Variants in TRDMT1 observed in about 807,000 individuals in gnomAD.
TRDMT1 encodes the protein tRNA (cytosine(38)-C(5))-methyltransferase.
In TRDMT1, 49 loss-of-function variants were observed where a neutral mutation model predicts 51.2. The ratio of observed to expected loss-of-function variants is 0.96; its 90% CI spans 0.76 to 1.21. The LOEUF is 1.21. Among genes scored for constraint, TRDMT1 ranks in the 50% most tolerant of loss-of-function variants. The pLI is 0.00. For synonymous variants in TRDMT1, 187 were observed against 164.6 expected (o/e 1.14, Z -1.04); for missense variants, 534 against 462.3 (o/e 1.16, Z -1.42).
At chr10:17,184,896 C>T (rs932310092) in intron 1 of TRDMT1, among the ~76,000 whole-genome samples, 16 of 152,110 alleles carry the variant, frequency 1.1e-4, no homozygotes, top group African/African-American at 3.9e-4. Context: ...TGTGTTCATA[C>T]GTCCTGATGA....
intron 2 of TRDMT1, chr10:17,171,510 A>C (rs1057270715): frequency 6.6e-6 from 1 of 152,210 alleles, no homozygotes; most frequent in African/African-American, 2.4e-5. Flanking sequence ...ACTGTAAGTG[A>C]GTGAAGGCTT....
chr10:17,186,250 A>G (rs1843904336), intron 1 of TRDMT1, among the ~76,000 whole-genome samples: 1 of 152,152 alleles, frequency 6.6e-6, no homozygotes, highest in South Asian at 2.1e-4. Context: ...AAAGATATCC[A>G]CATCTTAATC....
In TRDMT1 at chr10:17,140,836, A is replaced by G. The variant is rs1315869407; in HGVS notation, c.*8204T>C. The stretch of plus-strand genomic sequence containing the variant: ...TTATTTTATTCCAATCTATTTTTAG[A>G]TGAATAATTTCACAGTTATAATCAT... On this transcript the variant is annotated 3_prime_UTR_variant, in exon 11 of 11. Coordinates refer to ENST00000377799, the MANE Select transcript of TRDMT1 (RefSeq NM_004412.7). Among the ~76,000 whole-genome samples, 2 of 152,234 alleles carry G rather than the reference A, an allele frequency of 1.3e-5. No homozygotes were observed. Among genetic ancestry groups the G allele is most frequent in the Non-Finnish European group, 2.9e-5 (2 of 68,044 alleles).
Position 17,147,398 on chromosome 10 carries a change from TA to T in TRDMT1, c.*1641del. 1 of 924,252 alleles carries T rather than the reference TA, an allele frequency of 1.1e-6. No homozygotes were observed. Among genetic ancestry groups the T allele is most frequent in the Non-Finnish European group, 1.3e-6 (1 of 774,248 alleles). 57.3% of individuals were successfully genotyped at this position (924,252 alleles called of 1,614,324 possible). On this transcript the variant is annotated 3_prime_UTR_variant, in exon 11 of 11. Transcript: ENST00000377799. ...TATGATTTTTTCAATTGCAGTAAAATATACATAATGTAAAATTTATCATTTT... is the reference window on the plus strand; with the variant it reads ...TATGATTTTTTCAATTGCAGTAAAATTACATAATGTAAAATTTATCATTTT...
chr10:17,157,559 G>T lies in TRDMT1; in HGVS notation c.769C>A (p.Leu257Ile). Residue 257 changes from leucine (L) to isoleucine (I), a missense_variant, in exon 8 of 11, where the codon CTT becomes ATT. Physicochemically the swap from Leu to Ile is conservative, Grantham distance 5. Coordinates refer to ENST00000377799, the MANE Select transcript of TRDMT1 (RefSeq NM_004412.7). ...TGGTTCACGTCAGTGTCATCTTCAA[G>T]AAAATCTTTTAGCATTTTCACAGAG... ...DLSVKMLKDF[L>I]EDDTDVNQYL... 2.5e-6 allele frequency: 4 copies of T among 1,614,098 alleles called. No homozygotes were observed. The highest frequency in any genetic ancestry group is 3.4e-6 in the Non-Finnish European group (4 of 1,179,976).
At chr10:17,193,046 T>C (rs1844907579) in intron 1 of TRDMT1, among the ~76,000 whole-genome samples, 1 of 152,102 alleles carries the variant, frequency 6.6e-6, no homozygotes, top group Admixed American at 6.6e-5. Flanking sequence ...TTGGAAGTAC[T>C]AGCCAGAGCA....
rs533383643 is a variant in TRDMT1 at position 17,198,216 on chromosome 10, T to C, written c.64+3355A>G. Reference sequence around the variant, plus strand: ...ACGGAGTGCTCATGCAATGGAAAATTGTGCCGCTGCTGCGGAAAACAGGCT... The same window carrying C: ...ACGGAGTGCTCATGCAATGGAAAATCGTGCCGCTGCTGCGGAAAACAGGCT... On this transcript the variant is annotated intron_variant, in intron 1 of 10. Transcript: ENST00000377799. Among the ~76,000 whole-genome samples the C allele has an allele frequency of 3.3e-5, 5 of 152,246 alleles. No individual in the cohort carries two copies. In the East Asian group the frequency reaches 9.7e-4, roughly 29 times the overall value.
chr10:17,180,674 T>C (rs11254431), intron 1 of TRDMT1, among the ~76,000 whole-genome samples: 63,586 of 152,018 alleles, frequency 0.42, 15,292 homozygotes, highest in South Asian at 0.57. Context: ...GGAGAGAAAC[T>C]AGTATTTCCT....
In TRDMT1 at chr10:17,143,928, C is replaced by T. The variant is rs867061999; in HGVS notation, c.*5112G>A. ...AAGCATGCTAAATTTGATGCAAATC[C>T]GATACAACTTGAATAGCAAGATATC... is the stretch of plus-strand genomic sequence containing the variant. On this transcript the variant is annotated 3_prime_UTR_variant, in exon 11 of 11. Coordinates refer to ENST00000377799, the MANE Select transcript of TRDMT1 (RefSeq NM_004412.7). 4.9e-5 allele frequency: 48 copies of T among 985,170 alleles called. 1 individual carries two copies. Among genetic ancestry groups the T allele is most frequent in the Middle Eastern group, 5.2e-4 (1 of 1,936 alleles). 61.0% of individuals were successfully genotyped at this position (985,170 alleles called of 1,614,324 possible). A position where few individuals can be genotyped will look rare whatever the true frequency, so the allele number is the denominator to read the frequency against.
chr10:17,145,573 A>T lies in TRDMT1; in HGVS notation c.*3467T>A. On this transcript the variant is annotated 3_prime_UTR_variant, in exon 11 of 11. Transcript: ENST00000377799. ...AAGTCAGTGTCATAACTGGTGGCCT[A>T]AAACAGTTAGAATCCCAAGCCGAAG... The T allele has an allele frequency of 1.0e-6, 1 of 985,482 alleles. No individual in the cohort carries two copies. The highest frequency in any genetic ancestry group is 1.2e-6 in the Non-Finnish European group (1 of 829,942). 61.0% of individuals were successfully genotyped at this position (985,482 alleles called of 1,614,324 possible).
intron 3 of TRDMT1, among the ~76,000 whole-genome samples, chr10:17,164,603 T>C (rs1840907451): frequency 6.6e-6 from 1 of 152,210 alleles, no homozygotes; most frequent in Non-Finnish European, 1.5e-5. Flanking sequence ...ATGACATGAT[T>C]GTATATCTAG....
Position 17,147,332 on chromosome 10 carries a change from A to AT in TRDMT1, c.*1707dup. The stretch of plus-strand genomic sequence containing the variant: ...ATGGGCTGGCTTACAGCTTCCCTAC[A>AT]TTCATATTTATCTATGAGTTCTGAA... On this transcript the variant is annotated 3_prime_UTR_variant, in exon 11 of 11. Coordinates refer to ENST00000377799, the MANE Select transcript of TRDMT1 (RefSeq NM_004412.7). The AT allele has an allele frequency of 1.0e-6, 1 of 985,474 alleles. No homozygotes were observed. Among genetic ancestry groups the AT allele is most frequent in the South Asian group, 4.7e-5 (1 of 21,292 alleles). 61.0% of individuals were successfully genotyped at this position (985,474 alleles called of 1,614,324 possible).
chr10:17,144,966 G>A lies in TRDMT1; in HGVS notation c.*4074C>T, dbSNP rs1180195417. 1.0e-6 allele frequency: 1 copy of A among 985,332 alleles called. No homozygotes were observed. Among genetic ancestry groups the A allele is most frequent in the Non-Finnish European group, 1.2e-6 (1 of 829,936 alleles). The allele number at this position is 985,332 out of a possible 1,614,324, so 61.0% of individuals were successfully genotyped here. ...CCTTTTTAAAAAACATGCAAAGGGA[G>A]GCTGGGCGTGGTGGCTCATGCCTGT... On this transcript the variant is annotated 3_prime_UTR_variant, in exon 11 of 11. Coordinates refer to ENST00000377799, the MANE Select transcript of TRDMT1 (RefSeq NM_004412.7).
Position 17,137,768 on chromosome 10 carries a change from A to G in TRDMT1, c.*11272T>C, listed in dbSNP as rs1030408585. On this transcript the variant is annotated 3_prime_UTR_variant, in exon 11 of 11. Coordinates refer to ENST00000377799, the MANE Select transcript of TRDMT1 (RefSeq NM_004412.7). The stretch of plus-strand genomic sequence containing the variant: ...AGAATCGCTTGAACCCAGGAGGTGG[A>G]GGTTGCAGCAAGCCGAGAGCCACTG... Among the ~76,000 whole-genome samples, 2 of 149,832 alleles carry G rather than the reference A, an allele frequency of 1.3e-5. No homozygotes were observed. The highest frequency in any genetic ancestry group is 4.9e-5 in the African/African-American group (2 of 40,584).
intron 3 of TRDMT1, among the ~76,000 whole-genome samples, chr10:17,162,992 G>C (rs1049863721): frequency 6.6e-6 from 1 of 152,092 alleles, no homozygotes; most frequent in Non-Finnish European, 1.5e-5. Context: ...GATGTAACCA[G>C]AGTTCAGAGG....
chr10:17,174,483 T>C (rs1037214242), intron 2 of TRDMT1, 68 bp downstream of exon 2: 1 of 1,079,878 alleles, frequency 9.3e-7, no homozygotes, highest in African/African-American at 1.6e-5. Flanking sequence ...CGGAAACCAG[T>C]ATTAGGCAGT....
At chr10:17,178,286 C>G (rs913287978) in intron 1 of TRDMT1, among the ~76,000 whole-genome samples, 4 of 152,166 alleles carry the variant, frequency 2.6e-5, no homozygotes, top group African/African-American at 9.7e-5. Flanking sequence ...AATAAAAGTA[C>G]TAAAGAACGT....
At chr10:17,196,991 G>A (rs972580179) in intron 1 of TRDMT1, among the ~76,000 whole-genome samples, 4 of 152,120 alleles carry the variant, frequency 2.6e-5, no homozygotes, top group Admixed American at 2.6e-4. Flanking sequence ...AGCACTGTTG[G>A]TGTAAGCTGT....
chr10:17,161,485 T>G lies in TRDMT1; in HGVS notation c.387A>C (p.Thr129=), dbSNP rs1388913165. Residue 129 remains threonine (T), a splice_region_variant and synonymous_variant, in exon 5 of 11, where the codon ACA becomes ACC. Coordinates refer to ENST00000377799, the MANE Select transcript of TRDMT1 (RefSeq NM_004412.7). The part of the protein sequence containing the change: ...ENVKGFEVSS[T]RDLLIQTIEN... ...GCAAGACAAATACATTTTTTTACCT[T>G]GTAGAAGATACTTCAAAACCTTTAA... 1.5e-6 allele frequency: 2 copies of G among 1,371,242 alleles called. No homozygotes were observed. Among genetic ancestry groups the G allele is most frequent in the Non-Finnish European group, 2.0e-6 (2 of 1,016,636 alleles). 84.9% of individuals were successfully genotyped at this position (1,371,242 alleles called of 1,614,324 possible).
Sources: gnomAD v4.1 joint callset for allele counts (sites outside exome capture counted in the v4.1 genomes callset) on GRCh38, gnomAD v4.1.1 for gene constraint, MANE v1.5 for transcripts, NCBI Gene and HGNC (gene_info 2026-07-23, HGNC 2026-07-21) for gene names.